TSNARE1: variants seen among roughly 807,000 people sequenced by gnomAD.
TSNARE1 encodes the protein t-SNARE domain-containing protein 1.
Under a neutral mutation model 62.0 loss-of-function variants are expected in TSNARE1, and 49 were observed. The observed-to-expected ratio is 0.79, with a 90% CI of 0.63 to 1.00. The LOEUF (loss-of-function observed/expected upper bound fraction) is 1.00, where lower values mean the gene tolerates loss of function less well. Ranked by LOEUF, TSNARE1 falls within the 50% of genes least tolerant of loss-of-function variation. The pLI is 0.00. For missense variants in TSNARE1, 755 were observed against 700.1 expected, an observed-to-expected ratio of 1.08 and a Z score of -0.88; for synonymous variants, 328 against 294.4, an observed-to-expected ratio of 1.11 and a Z score of -1.17.
chr8:142,330,271 G>C (rs953861677), intron 6 of TSNARE1, among the ~76,000 whole-genome samples: 41 of 152,178 alleles, frequency 2.7e-4, no homozygotes, highest in African/African-American at 9.6e-4. Context: ...CCACACCCAG[G>C]GCAGGTGCTC....
At chr8:142,271,959 C>T (rs532566874) in intron 12 of TSNARE1, among the ~76,000 whole-genome samples, 2 of 152,054 alleles carry the variant, frequency 1.3e-5, no homozygotes, top group African/African-American at 4.8e-5. Context: ...CATCACAGCA[C>T]CACTTGTATT....
In TSNARE1 at chr8:142,235,856, T is replaced by G. The variant is rs1817385525; in HGVS notation, c.1447-6277A>C. 2.6e-5 allele frequency among the ~76,000 whole-genome samples: 4 copies of G among 152,160 alleles called. No homozygotes were observed. In the South Asian group the frequency reaches 8.3e-4, roughly 32 times the overall value. ...GCCAGGGGCACGGGAGTCCTGTCTTTTAGGGAGGGCTTCATGCAGGGTGGG... is the reference window on the plus strand; with the variant it reads ...GCCAGGGGCACGGGAGTCCTGTCTTGTAGGGAGGGCTTCATGCAGGGTGGG... On this transcript the variant is annotated intron_variant, in intron 12 of 13. Transcript: ENST00000524325.
intron 1 of TSNARE1, among the ~76,000 whole-genome samples, chr8:142,381,529 C>G (rs766336296): frequency 6.6e-6 from 1 of 152,130 alleles, no homozygotes; most frequent in Admixed American, 6.5e-5. Flanking sequence ...GACGGTGGCA[C>G]AGGCAGGAGT....
At chr8:142,393,091 G>A (rs1837655270) in intron 1 of TSNARE1, among the ~76,000 whole-genome samples, 1 of 152,128 alleles carries the variant, frequency 6.6e-6, no homozygotes, top group African/African-American at 2.4e-5. Flanking sequence ...ATTCAAAATA[G>A]TAAAGTAAAA....
intron 6 of TSNARE1, among the ~76,000 whole-genome samples, chr8:142,323,698 T>A (rs1563913663): frequency 6.6e-6 from 1 of 152,244 alleles, no homozygotes; most frequent in Admixed American, 6.5e-5. Flanking sequence ...GAGCTCACAC[T>A]GTCAGAGCCA....
At chr8:142,337,034 G>GA (rs980079262) in intron 4 of TSNARE1, among the ~76,000 whole-genome samples, 2 of 149,786 alleles carry the variant, frequency 1.3e-5, no homozygotes, top group Admixed American at 6.6e-5. Context: ...TAAATACTTA[G>GA]AAAAAAAAAG....
At chr8:142,252,065 C>T (rs1412161617) in intron 12 of TSNARE1, among the ~76,000 whole-genome samples, 1 of 147,456 alleles carries the variant, frequency 6.8e-6, no homozygotes, top group African/African-American at 2.5e-5. Flanking sequence ...CTGCAGGGCC[C>T]GGGCACCATG....
rs1837913421 is a variant in TSNARE1 at position 142,396,615 on chromosome 8, A to G, written c.-40+6489T>C. Among the ~76,000 whole-genome samples the G allele has an allele frequency of 2.6e-5, 4 of 152,166 alleles. No homozygotes were observed. The South Asian group carries it at 8.3e-4, about 32-fold the overall frequency. ...TGCTTCCAGCCTGGTCCCCCTGGAG[A>G]GCAGCAGGGCAGGATCGCCAGGTGG... On this transcript the variant is annotated intron_variant, in intron 1 of 13. Coordinates refer to ENST00000524325, the MANE Select transcript of TSNARE1 (RefSeq NM_145003.5).
chr8:142,286,251 C>T (rs543688482), intron 10 of TSNARE1, among the ~76,000 whole-genome samples: 17 of 152,268 alleles, frequency 1.1e-4, no homozygotes, highest in East Asian at 9.7e-4. Flanking sequence ...TCAGGCCTGC[C>T]GTGACCCCTG....
At chr8:142,268,144 G>A (rs972026123) in intron 12 of TSNARE1, among the ~76,000 whole-genome samples, 18 of 152,152 alleles carry the variant, frequency 1.2e-4, no homozygotes, top group African/African-American at 2.4e-4. Context: ...CCCTCCCTGC[G>A]TGCCACCTGC....
At chr8:142,356,658 C>T (rs1240384038) in intron 1 of TSNARE1, among the ~76,000 whole-genome samples, 1 of 152,214 alleles carries the variant, frequency 6.6e-6, no homozygotes, top group Non-Finnish European at 1.5e-5. Context: ...ACTTCCTTAA[C>T]ACTTGGCGCG....
In TSNARE1 at chr8:142,350,895, G is replaced by A. The variant is rs969378840; in HGVS notation, c.88+3742C>T. Among the ~76,000 whole-genome samples, 10 of 152,348 alleles carry A rather than the reference G, an allele frequency of 6.6e-5. No individual in the cohort carries two copies. In the East Asian group the frequency reaches 1.9e-3, roughly 29 times the overall value. ...CTCGAAGGAGGAGCATAGGTCAGCT[G>A]TAACACGGGATCTCGGGAGGCTCCA... On this transcript the variant is annotated intron_variant, in intron 2 of 13. Coordinates refer to ENST00000524325, the MANE Select transcript of TSNARE1 (RefSeq NM_145003.5).
Position 142,318,071 on chromosome 8 carries a change from C to T in TSNARE1, c.984+473G>A, listed in dbSNP as rs566529420. Among the ~76,000 whole-genome samples, 605 of 152,298 alleles carry T rather than the reference C, an allele frequency of 4.0e-3. 2 individuals carry two copies. The highest frequency in any genetic ancestry group is 0.014 in the African/African-American group (569 of 41,564). On this transcript the variant is annotated intron_variant, in intron 7 of 13. Transcript: ENST00000524325. ...GTGGGTATGCTGATGGCCACTGCCA[C>T]GGCCATATGTCTGGCTTGAGGCCCA...
At chr8:142,232,944 G>A (rs1817199001) in intron 12 of TSNARE1, among the ~76,000 whole-genome samples, 1 of 152,186 alleles carries the variant, frequency 6.6e-6, no homozygotes, top group African/African-American at 2.4e-5. Context: ...GAGGGGCTGA[G>A]CTCCTGCTGT....
intron 12 of TSNARE1, among the ~76,000 whole-genome samples, chr8:142,260,975 AGGGAGGGAGGAGAGAGGGAGGGGGGTG>A (rs1274985372): frequency 4.5e-4 from 5 of 11,152 alleles, no homozygotes; most frequent in East Asian, 2.6e-3. Flanking sequence ...TCAGGGAGGG[AGGGAGGGAGGAGAGAGGGAGGGGGGTG>A]GGGAGGGAGG....
chr8:142,318,201 G>A (rs1217474908), intron 7 of TSNARE1, among the ~76,000 whole-genome samples: 2 of 152,196 alleles, frequency 1.3e-5, no homozygotes, highest in African/African-American at 4.8e-5. Flanking sequence ...CACAGCAGGG[G>A]AGAGGATGGT....
At chr8:142,263,240 A>G (rs1049545130) in intron 12 of TSNARE1, among the ~76,000 whole-genome samples, 22 of 152,236 alleles carry the variant, frequency 1.4e-4, no homozygotes, top group Admixed American at 1.2e-3. Context: ...CAATTGTAAC[A>G]AATACTTTCT....
intron 6 of TSNARE1, among the ~76,000 whole-genome samples, chr8:142,322,935 G>A (rs903177918): frequency 1.3e-5 from 2 of 150,186 alleles, no homozygotes; most frequent in African/African-American, 4.9e-5. Context: ...GTTATGAAAG[G>A]CCGGCCTTAC....
chr8:142,328,908 G>A (rs1367888682), intron 6 of TSNARE1, among the ~76,000 whole-genome samples: 2 of 152,112 alleles, frequency 1.3e-5, no homozygotes, highest in Non-Finnish European at 2.9e-5. Context: ...CCCACCTGGT[G>A]AGGTTTTTCT....
Sources: allele counts gnomAD v4.1 joint callset (sites outside exome capture counted in the v4.1 genomes callset), GRCh38; gene constraint gnomAD v4.1.1; transcripts MANE v1.5; gene names NCBI Gene and HGNC (gene_info 2026-07-23, HGNC 2026-07-21).